ERC2: variants seen among roughly 807,000 people sequenced by gnomAD.
ERC2 encodes ELKS/RAB6-interacting/CAST family member 2.
In ERC2, 42 loss-of-function variants were observed where a neutral mutation model predicts 114.8. The observed-to-expected ratio is 0.37, with a 90% CI of 0.29 to 0.47. The LOEUF (loss-of-function observed/expected upper bound fraction) is 0.47. Ranked by LOEUF, ERC2 falls within the 20% of genes least tolerant of loss-of-function variation. The pLI is 0.99. For missense variants in ERC2, 939 were observed against 1,150.7 expected (o/e 0.82, Z 2.66); for synonymous variants, 454 against 425.5 (o/e 1.07, Z -0.82).
At chr3:55,564,383 C>T (rs1024423035) in intron 17 of ERC2, among the ~76,000 whole-genome samples, 1 of 152,118 alleles carries the variant, frequency 6.6e-6, no homozygotes, top group Non-Finnish European at 1.5e-5. Context: ...CCTCTAGTCC[C>T]CAAATTCTAA....
chr3:55,561,980 C>T (rs188981473), intron 17 of ERC2, among the ~76,000 whole-genome samples: 1 of 152,268 alleles, frequency 6.6e-6, no homozygotes, highest in Admixed American at 6.5e-5. Context: ...ATCCTGCCAC[C>T]TCAATGTGAA....
At chr3:56,106,130 G>T (rs2078647881) in intron 6 of ERC2, among the ~76,000 whole-genome samples, 1 of 152,152 alleles carries the variant, frequency 6.6e-6, no homozygotes, top group Non-Finnish European at 1.5e-5. Flanking sequence ...ATCTTGATAG[G>T]TGTCTAGTTT....
intron 2 of ERC2, among the ~76,000 whole-genome samples, chr3:56,313,230 A>G (rs2150401656): frequency 6.6e-6 from 1 of 150,854 alleles, no homozygotes; most frequent in Non-Finnish European, 1.5e-5. Context: ...AGTTTTTAGG[A>G]GAGGTAATTA....
chr3:55,740,038 G>A (rs1008421462), intron 14 of ERC2, among the ~76,000 whole-genome samples: 4 of 151,882 alleles, frequency 2.6e-5, no homozygotes, highest in Non-Finnish European at 5.9e-5. Context: ...GCTTGTTTTT[G>A]TGTATGATTC....
At chr3:56,434,129 T>G in intron 2 of ERC2, 2 of 356,632 alleles carry the variant, frequency 5.6e-6, no homozygotes, top group East Asian at 5.9e-5. Context: ...CCTCTCCCCA[T>G]CTGCAACCAT....
intron 10 of ERC2, among the ~76,000 whole-genome samples, chr3:56,005,509 A>G (rs938044684): frequency 6.6e-6 from 1 of 152,080 alleles, no homozygotes; most frequent in African/African-American, 2.4e-5. Flanking sequence ...ACAATATGTG[A>G]ATCTCTTCCT....
At chr3:55,739,891 T>C (rs953264015) in intron 14 of ERC2, among the ~76,000 whole-genome samples, 3 of 152,158 alleles carry the variant, frequency 2.0e-5, no homozygotes, top group East Asian at 3.9e-4. Flanking sequence ...TGGTTTTAGG[T>C]CTTACATTTC....
chr3:56,399,227 C>T (rs1219874187), intron 2 of ERC2, among the ~76,000 whole-genome samples: 1 of 152,224 alleles, frequency 6.6e-6, no homozygotes, highest in Non-Finnish European at 1.5e-5. Context: ...ATGCTTCAAT[C>T]CAAAACCATT....
At chr3:55,742,754 T>A (rs948699304) in intron 14 of ERC2, among the ~76,000 whole-genome samples, 123 of 152,200 alleles carry the variant, frequency 8.1e-4, no homozygotes, top group Non-Finnish European at 1.6e-4. Context: ...AGCCTCTCTC[T>A]CACCCTTGGG....
At chr3:56,247,922 C>T (rs2051829799) in intron 3 of ERC2, among the ~76,000 whole-genome samples, 1 of 152,202 alleles carries the variant, frequency 6.6e-6, no homozygotes, top group Admixed American at 6.5e-5. Flanking sequence ...GTTTAACATG[C>T]TATCTGAAAC....
chr3:55,922,932 A>T (rs550857730), intron 13 of ERC2, among the ~76,000 whole-genome samples: 6 of 152,138 alleles, frequency 3.9e-5, no homozygotes, highest in Non-Finnish European at 5.9e-5. Flanking sequence ...ATTGCCGGTG[A>T]AAAAGCAAAA....
intron 15 of ERC2, among the ~76,000 whole-genome samples, chr3:55,717,182 G>A (rs1208508338): frequency 1.3e-5 from 2 of 152,182 alleles, no homozygotes; most frequent in East Asian, 3.8e-4. Context: ...TTTAAAGACT[G>A]TGCCTTGAGA....
In ERC2 at chr3:55,509,966, G is replaced by T. The variant is rs2051971919; in HGVS notation, c.*1350C>A. 6.6e-6 allele frequency: 1 copy of T among 152,628 alleles called. No homozygotes were observed. The allele number at this position is 152,628 out of a possible 1,614,324, so 9.5% of individuals were successfully genotyped here. ...AAGAAAATGGAGCAATACAAGAGTT[G>T]CACATGTTTGCCAGACTCAGTCATG... On this transcript the variant is annotated 3_prime_UTR_variant, in exon 18 of 18. Transcript: ENST00000288221.
intron 17 of ERC2, among the ~76,000 whole-genome samples, chr3:55,538,322 CAG>C (rs1470686380): frequency 3.3e-5 from 5 of 152,208 alleles, no homozygotes; most frequent in South Asian, 2.1e-4. Flanking sequence ...AAGCCACTTA[CAG>C]AGTCTATTAT....
intron 2 of ERC2, among the ~76,000 whole-genome samples, chr3:56,370,586 G>GTTT (rs1560690146): frequency 2.7e-5 from 4 of 145,598 alleles, no homozygotes; most frequent in African/African-American, 1.0e-4. Context: ...TTTTGGTGGG[G>GTTT]GTTTTTTTGT....
At chr3:55,743,736 T>C (rs1292724206) in intron 14 of ERC2, among the ~76,000 whole-genome samples, 1 of 152,182 alleles carries the variant, frequency 6.6e-6, no homozygotes, top group East Asian at 1.9e-4. Context: ...CTGATCTTTA[T>C]TTAGTGCTGG....
intron 1 of ERC2, among the ~76,000 whole-genome samples, chr3:56,453,035 G>T (rs969040339): frequency 6.6e-6 from 1 of 152,072 alleles, no homozygotes; most frequent in Non-Finnish European, 1.5e-5. Flanking sequence ...TGATTAAAAA[G>T]GTTGCCAAAA....
chr3:55,966,281 T>C (rs2068743410), intron 12 of ERC2, among the ~76,000 whole-genome samples: 1 of 152,166 alleles, frequency 6.6e-6, no homozygotes, highest in African/African-American at 2.4e-5. Flanking sequence ...GAACTTTACC[T>C]AGTGGGATTC....
chr3:55,685,513 G>A (rs1056293954), intron 16 of ERC2, among the ~76,000 whole-genome samples: 1 of 152,154 alleles, frequency 6.6e-6, no homozygotes, highest in Non-Finnish European at 1.5e-5. Flanking sequence ...TCTGTCCCTG[G>A]AGAAAAGAAA....
Sources: gnomAD v4.1 joint callset for allele counts (sites outside exome capture counted in the v4.1 genomes callset) on GRCh38, gnomAD v4.1.1 for gene constraint, MANE v1.5 for transcripts, NCBI Gene and HGNC (gene_info 2026-07-23, HGNC 2026-07-21) for gene names.